Variants in MED12L observed in about 807,000 individuals in gnomAD.
The protein encoded by MED12L is mediator of RNA polymerase II transcription subunit 12-like protein.
Under a neutral mutation model 281.3 loss-of-function variants are expected in MED12L, and 60 were observed. The observed-to-expected ratio is 0.21, with a 90% CI of 0.17 to 0.26. The LOEUF (loss-of-function observed/expected upper bound fraction) is 0.26. Ranked by LOEUF, MED12L falls within the 10% of genes least tolerant of loss-of-function variation. MED12L has a pLI of 1.00. For missense variants in MED12L, 2,146 were observed against 2,680.9 expected, an observed-to-expected ratio of 0.80 and a Z score of 4.41; for synonymous variants, 974 against 987.2, an observed-to-expected ratio of 0.99 and a Z score of 0.25.
intron 39 of MED12L, among the ~76,000 whole-genome samples, chr3:151,406,966 A>AT (rs1341038554): frequency 1.3e-5 from 2 of 151,680 alleles, no homozygotes; most frequent in African/African-American, 4.9e-5. Context: ...CATCCAGCTA[A>AT]TTTTTTGTAT....
intron 43 of MED12L, among the ~76,000 whole-genome samples, chr3:151,426,124 T>G (rs58326478): frequency 0.13 from 19,327 of 152,216 alleles, 1,675 homozygotes; most frequent in East Asian, 0.42. Context: ...TTTGGTAAAT[T>G]AAAAATTCAA....
In MED12L at chr3:151,377,094, C is replaced by G; in HGVS notation, c.4232C>G (p.Ser1411Cys). ...QSADLNNSSN[S>C]GMSLFNPNSI... ...GCAGACCTAAATAATTCTTCTAATT[C>G]TGGCATGAGCCTCTTCAACCCAAAC... The change falls in exon 30 of 45, where the codon TCT becomes TGT. Residue 1411 changes from serine to cysteine, a missense_variant. Ser to Cys is a moderately radical substitution (Grantham distance 112, BLOSUM62 -1). Transcript: ENST00000687756. 6.2e-7 allele frequency: 1 copy of G among 1,614,092 alleles called. No homozygotes were observed. Among genetic ancestry groups the G allele is most frequent in the Non-Finnish European group, 8.5e-7 (1 of 1,179,948 alleles).
chr3:151,432,234 G>T (rs1251007577), intron 44 of MED12L, among the ~76,000 whole-genome samples: 4 of 152,188 alleles, frequency 2.6e-5, no homozygotes, highest in Non-Finnish European at 5.9e-5. Context: ...GCATGTGCAG[G>T]CATGCATGTC....
chr3:151,124,052 C>G (rs542845861), intron 4 of MED12L, among the ~76,000 whole-genome samples: 7 of 152,202 alleles, frequency 4.6e-5, no homozygotes, highest in Non-Finnish European at 1.0e-4. Context: ...TGTGGTCCCA[C>G]TGTGGCCTAT....
Position 151,087,046 on chromosome 3 carries a change from C to T in MED12L, c.99+21C>T. On this transcript the variant is annotated intron_variant, in intron 2 of 44. Transcript: ENST00000687756. ...AGGAGGTAAGGGCGCCGGCGGCCTC[C>T]CCGGCAACCGGGGCCGCGCTCTGCA... The T allele has an allele frequency of 6.9e-6, 11 of 1,584,326 alleles. No homozygotes were observed. In the Admixed American group the frequency reaches 1.6e-4, roughly 23 times the overall value.
chr3:151,237,800 T>C (rs542251549), intron 16 of MED12L, among the ~76,000 whole-genome samples: 1 of 152,372 alleles, frequency 6.6e-6, no homozygotes, highest in East Asian at 1.9e-4. Context: ...AGTCTTCATT[T>C]GTACAGTGAT....
chr3:151,130,949 C>A (rs1384588375), intron 5 of MED12L, among the ~76,000 whole-genome samples: 1 of 152,108 alleles, frequency 6.6e-6, no homozygotes, highest in Non-Finnish European at 1.5e-5. Context: ...TCTCTGAAGA[C>A]AGTACTTGGC....
chr3:151,329,435 T>C (rs958075039), intron 16 of MED12L: 2 of 1,274,800 alleles, frequency 1.6e-6, no homozygotes, highest in African/African-American at 1.5e-5. Flanking sequence ...AAGCATATTC[T>C]TTTATATAAG....
At chr3:151,417,766 G>T (rs556607419) in intron 43 of MED12L, among the ~76,000 whole-genome samples, 3 of 152,008 alleles carry the variant, frequency 2.0e-5, no homozygotes, top group Admixed American at 2.0e-4. Flanking sequence ...CACTGTGCCC[G>T]GCCTATTCCC....
chr3:151,239,533 A>G (rs1007049057), intron 16 of MED12L, among the ~76,000 whole-genome samples: 1 of 152,240 alleles, frequency 6.6e-6, no homozygotes, highest in East Asian at 1.9e-4. Context: ...ACTTGTTGAC[A>G]TAAATTTTTT....
At chr3:151,393,976 C>T (rs778061671) in intron 38 of MED12L, among the ~76,000 whole-genome samples, 1 of 151,962 alleles carries the variant, frequency 6.6e-6, no homozygotes, top group Non-Finnish European at 1.5e-5. Flanking sequence ...CAGCAAATGT[C>T]GACTTTTTTT....
Position 151,388,141 on chromosome 3 carries a change from A to C in MED12L, c.5420A>C (p.Lys1807Thr), listed in dbSNP as rs777562172. ...GAAGAAAAGAAAACAAAAGGAAGGAAGCGCAAGACGAAATCTAGCTCAAGA... is the reference window on the plus strand; with the variant it reads ...GAAGAAAAGAAAACAAAAGGAAGGACGCGCAAGACGAAATCTAGCTCAAGA... Reference protein sequence around the residue: ...TDEEKKTKGRKRKTKSSSRVD... With the variant: ...TDEEKKTKGRTRKTKSSSRVD... The change falls in exon 37 of 45, where the codon AAG becomes ACG. Residue 1807 changes from lysine to threonine, a missense_variant. Transcript: ENST00000687756. 1 of 1,606,314 alleles carries C rather than the reference A, an allele frequency of 6.2e-7. No homozygotes were observed.
At chr3:151,302,637 A>T (rs1278788763) in intron 16 of MED12L, among the ~76,000 whole-genome samples, 1 of 152,154 alleles carries the variant, frequency 6.6e-6, no homozygotes, top group Non-Finnish European at 1.5e-5. Context: ...CAAACTGCAG[A>T]CTGTCAGCCA....
At chr3:151,417,158 C>G (rs1717659254) in intron 43 of MED12L, among the ~76,000 whole-genome samples, 1 of 152,168 alleles carries the variant, frequency 6.6e-6, no homozygotes, top group African/African-American at 2.4e-5. Flanking sequence ...AAGGGAATCT[C>G]CATTTAACTG....
intron 1 of MED12L, 187 bp from the exon 2 acceptor site, chr3:151,086,611 G>A (rs1038407923): frequency 2.4e-5 from 6 of 247,100 alleles, no homozygotes; most frequent in Non-Finnish European, 4.7e-5. Flanking sequence ...ACAAGGTAGG[G>A]GGGAGCAGAG....
intron 36 of MED12L, 82 bp downstream of exon 36, chr3:151,385,273 A>G (rs982268392): frequency 1.2e-5 from 9 of 771,230 alleles, no homozygotes; most frequent in Non-Finnish European, 1.8e-5. Context: ...TAGGATATAT[A>G]AAATATATTA....
intron 2 of MED12L, among the ~76,000 whole-genome samples, chr3:151,087,974 A>G (rs773961791): frequency 1.2e-4 from 18 of 152,010 alleles, no homozygotes; most frequent in South Asian, 4.1e-4. Flanking sequence ...TCAGCTAAAC[A>G]CGAACTGACC....
chr3:151,377,245 GCA>G, intron 30 of MED12L, 67 bp downstream of exon 30: 1 of 1,326,654 alleles, frequency 7.5e-7, no homozygotes, highest in Non-Finnish European at 1.0e-6. Context: ...ATTTTGTGTA[GCA>G]CAGTGATTTT....
intron 16 of MED12L, among the ~76,000 whole-genome samples, chr3:151,307,502 A>C (rs6803841): frequency 0.83 from 124,774 of 151,134 alleles, 51,781 homozygotes; most frequent in African/African-American, 0.92. Context: ...TTAGAGTTAA[A>C]TTTTTTTTAG....
Sources: allele counts gnomAD v4.1 joint callset (sites outside exome capture counted in the v4.1 genomes callset), GRCh38; gene constraint gnomAD v4.1.1; transcripts MANE v1.5; gene names NCBI Gene and HGNC (gene_info 2026-07-23, HGNC 2026-07-21).